Variants in TSC22D3 observed in about 807,000 individuals in gnomAD.
The protein encoded by TSC22D3 is TSC22 domain family member 3.
Under a neutral mutation model 11.1 loss-of-function variants are expected in TSC22D3, and 4 were observed. The observed-to-expected ratio is 0.36, with a 90% CI of 0.18 to 0.83. The LOEUF (loss-of-function observed/expected upper bound fraction) is 0.83. TSC22D3 is among the 40% of genes least tolerant of loss of function. The pLI is 0.48. For missense variants in TSC22D3, 118 were observed against 159.4 expected (o/e 0.74, Z 1.40); for synonymous variants, 77 against 70.3 (o/e 1.10, Z -0.48).
intron 1 of TSC22D3, among the ~76,000 whole-genome samples, chrX:107,768,531 T>C (rs1349927720): frequency 8.9e-6 from 1 of 112,509 alleles, no homozygotes; most frequent in Non-Finnish European, 1.9e-5. Flanking sequence ...GAGGAGTAGA[T>C]GAAATTCAAG....
At chrX:107,774,826 T>C (rs1384240330) in intron 1 of TSC22D3, 7 of 394,224 alleles carry the variant, frequency 1.8e-5, no homozygotes, top group Non-Finnish European at 3.1e-5. Context: ...TTCAGCTACC[T>C]CCAAACCATC....
intron 1 of TSC22D3, among the ~76,000 whole-genome samples, chrX:107,726,865 C>T (rs1927655033): frequency 9.0e-6 from 1 of 111,711 alleles, no homozygotes; most frequent in African/African-American, 3.3e-5. Flanking sequence ...AGGGATAGAG[C>T]TCTAACAGCA....
intron 1 of TSC22D3, among the ~76,000 whole-genome samples, chrX:107,769,184 A>G (rs1929795288): frequency 8.9e-6 from 1 of 112,685 alleles, no homozygotes. Context: ...TTGAACAGAT[A>G]CTTGTACACC....
At chrX:107,727,412 C>T (rs1367634491) in intron 1 of TSC22D3, among the ~76,000 whole-genome samples, 1 of 112,491 alleles carries the variant, frequency 8.9e-6, no homozygotes, top group East Asian at 2.8e-4. Flanking sequence ...GCTAGATCCG[C>T]ATCCCTGAAA....
At chrX:107,769,329 C>G (rs900938669) in intron 1 of TSC22D3, among the ~76,000 whole-genome samples, 2 of 112,644 alleles carry the variant, frequency 1.8e-5, no homozygotes, top group African/African-American at 6.5e-5. Context: ...GAATGAAGTA[C>G]TGATATGTGC....
chrX:107,773,948 C>T (rs1182798659), intron 1 of TSC22D3, among the ~76,000 whole-genome samples: 1 of 111,923 alleles, frequency 8.9e-6, no homozygotes, highest in Admixed American at 9.5e-5. Context: ...TGTCTGGGCA[C>T]ATCGCCTGCC....
chrX:107,773,291 C>T (rs1929986407), intron 1 of TSC22D3, among the ~76,000 whole-genome samples: 1 of 112,314 alleles, frequency 8.9e-6, no homozygotes, highest in African/African-American at 3.2e-5. Context: ...CCAGGTTTGA[C>T]CCTCCTAGGG....
rs967336812 is a variant in TSC22D3, at chrX:107,761,124, A to G, written c.320+13976T>C. On this transcript the variant is annotated intron_variant, in intron 1 of 2. Transcript: ENST00000372383. ...CCCAACCACACCACCACCAATTTCT[A>G]GTGGTGGAAACTGAGGTCTAGAGAG... 7.1e-5 allele frequency among the ~76,000 whole-genome samples: 8 copies of G among 112,323 alleles called. 1 individual carries two copies. Among genetic ancestry groups the G allele is most frequent in the Admixed American group, 2.8e-4 (3 of 10,696 alleles).
chrX:107,773,245 T>A (rs1179384868), intron 1 of TSC22D3, among the ~76,000 whole-genome samples: 1 of 112,434 alleles, frequency 8.9e-6, no homozygotes, highest in Non-Finnish European at 1.9e-5. Flanking sequence ...AAGGAAACAC[T>A]TTGATCTCAG....
intron 1 of TSC22D3, among the ~76,000 whole-genome samples, chrX:107,720,286 G>A (rs1376190999): frequency 9.0e-6 from 1 of 111,628 alleles, no homozygotes; most frequent in Admixed American, 9.4e-5. Flanking sequence ...TGGTTCTGCT[G>A]AGTGAGATGT....
At chrX:107,720,049 T>A (rs1284676650) in intron 1 of TSC22D3, among the ~76,000 whole-genome samples, 1 of 110,298 alleles carries the variant, frequency 9.1e-6, no homozygotes, top group Non-Finnish European at 1.9e-5. Flanking sequence ...AAGTATGGAG[T>A]CTTGGCAGCA....
intron 1 of TSC22D3, among the ~76,000 whole-genome samples, chrX:107,764,451 C>A (rs772547033): frequency 4.5e-5 from 5 of 111,905 alleles, no homozygotes; most frequent in Admixed American, 9.4e-5. Context: ...TGACCATGAA[C>A]AACACCTTTC....
At chrX:107,768,244 C>T (rs1929754527) in intron 1 of TSC22D3, among the ~76,000 whole-genome samples, 1 of 112,102 alleles carries the variant, frequency 8.9e-6, no homozygotes, top group African/African-American at 3.2e-5. Context: ...AAGAACTCTG[C>T]AGGGTTCCAT....
intron 1 of TSC22D3, among the ~76,000 whole-genome samples, chrX:107,718,347 G>A (rs184139334): frequency 1.7e-4 from 19 of 112,532 alleles, no homozygotes; most frequent in African/African-American, 6.1e-4. Context: ...GACCAAAGGA[G>A]AACATTGGGT....
At chrX:107,745,517 A>G (rs1007923542) in intron 1 of TSC22D3, among the ~76,000 whole-genome samples, 1 of 112,474 alleles carries the variant, frequency 8.9e-6, no homozygotes, top group Non-Finnish European at 1.9e-5. Flanking sequence ...GCTGTGAATA[A>G]TTAGGAATAC....
Position 107,731,478 on chromosome X carries a change from G to A in TSC22D3, c.321-15528C>T, listed in dbSNP as rs184194928. On this transcript the variant is annotated intron_variant, in intron 1 of 2. Transcript: ENST00000372383. The stretch of plus-strand genomic sequence containing the variant: ...GCTGCAAAATTATATTTATTTAGGT[G>A]CTTTTTTGATGAATGATACCTCTAT... Among the ~76,000 whole-genome samples the A allele has an allele frequency of 1.2e-4, 13 of 111,834 alleles. No individual in the cohort carries two copies. In the Admixed American group the frequency reaches 1.2e-3, roughly 11 times the overall value.
Position 107,742,598 on chromosome X carries a change from G to A in TSC22D3, c.321-26648C>T, listed in dbSNP as rs147267143. 5.3e-4 allele frequency among the ~76,000 whole-genome samples: 59 copies of A among 111,147 alleles called. 1 individual carries two copies. The East Asian group carries it at 9.2e-3, about 17-fold the overall frequency. On this transcript the variant is annotated intron_variant, in intron 1 of 2. Coordinates refer to ENST00000372383, the MANE Select transcript of TSC22D3 (RefSeq NM_198057.3). ...GAACAACAAGCCTCTCTGCCCGCTG[G>A]TCTTCTGGCTTTGTGGAAGTCCGTC...
chrX:107,748,654 T>C (rs1470984538), intron 1 of TSC22D3, among the ~76,000 whole-genome samples: 1 of 111,520 alleles, frequency 9.0e-6, no homozygotes, highest in African/African-American at 3.3e-5. Flanking sequence ...ACCGACTAGT[T>C]CTCTTAGCAA....
chrX:107,764,710 C>T (rs1182263279), intron 1 of TSC22D3, among the ~76,000 whole-genome samples: 3 of 111,880 alleles, frequency 2.7e-5, no homozygotes, highest in African/African-American at 9.8e-5. Context: ...TGACACACCC[C>T]TGCTTCTGTT....
Sources: gnomAD v4.1 joint callset for allele counts (sites outside exome capture counted in the v4.1 genomes callset) on GRCh38, gnomAD v4.1.1 for gene constraint, MANE v1.5 for transcripts, NCBI Gene and HGNC (gene_info 2026-07-23, HGNC 2026-07-21) for gene names.